RPS6KC1: variants seen among roughly 807,000 people sequenced by gnomAD.
RPS6KC1 encodes the protein ribosomal protein S6 kinase C1, also known as inactive ribosomal protein S6 kinase delta-1.
In RPS6KC1, 54 loss-of-function variants were observed where a neutral mutation model predicts 103.8. The observed-to-expected ratio is 0.52, with a 90% CI of 0.42 to 0.65. The LOEUF is 0.65. RPS6KC1 is among the 30% of genes least tolerant of loss of function. RPS6KC1 has a pLI of 0.00. For synonymous variants in RPS6KC1, 439 were observed against 438.7 expected, an observed-to-expected ratio of 1.00 and a Z score of -0.01; for missense variants, 1,151 against 1,253.8, an observed-to-expected ratio of 0.92 and a Z score of 1.24.
At chr1:213,818,423 A>C in the RPS6KC1 span, 1 of 152,432 alleles carries the variant, frequency 6.6e-6, no homozygotes, top group East Asian at 1.9e-4. Flanking sequence ...CATTGCTGAT[A>C]GGGAGAAAGT....
the RPS6KC1 span, among the ~76,000 whole-genome samples, chr1:213,309,494 A>T: frequency 1.2e-4 from 19 of 152,338 alleles, no homozygotes; most frequent in Middle Eastern, 3.4e-3. Context: ...ATCGGAGTTC[A>T]TAGGAACTTT....
the RPS6KC1 span, among the ~76,000 whole-genome samples, chr1:213,719,692 G>A: frequency 6.6e-6 from 1 of 152,148 alleles, no homozygotes; most frequent in South Asian, 2.1e-4. Context: ...TGTCCCTGAG[G>A]ACCTACTGCC....
At chr1:213,353,898 T>C in the RPS6KC1 span, among the ~76,000 whole-genome samples, 1 of 152,136 alleles carries the variant, frequency 6.6e-6, no homozygotes, top group Non-Finnish European at 1.5e-5. Context: ...GGAAAAATGA[T>C]GTGGAAAAGC....
the RPS6KC1 span, among the ~76,000 whole-genome samples, chr1:213,777,241 G>A: frequency 6.6e-6 from 1 of 152,122 alleles, no homozygotes; most frequent in East Asian, 1.9e-4. Context: ...GCGTTTGTTG[G>A]CATTTGGCCT....
the RPS6KC1 span, among the ~76,000 whole-genome samples, chr1:213,700,739 G>A: frequency 6.6e-6 from 1 of 151,784 alleles, no homozygotes; most frequent in African/African-American, 2.4e-5. Flanking sequence ...TTTCATCAGT[G>A]TTTTATAGTT....
At chr1:213,369,385 A>T in the RPS6KC1 span, among the ~76,000 whole-genome samples, 1 of 152,246 alleles carries the variant, frequency 6.6e-6, no homozygotes, top group African/African-American at 2.4e-5. Context: ...TGGACACAAG[A>T]ATATTCTAGC....
At chr1:213,129,943 A>G (rs1242847493) in intron 6 of RPS6KC1, 54 bp downstream of exon 6, 1 of 1,486,464 alleles carries the variant, frequency 6.7e-7, no homozygotes, top group African/African-American at 1.4e-5. Context: ...GTATGTGGGA[A>G]AAAAAAGTAC....
At chr1:213,797,784 A>T in the RPS6KC1 span, among the ~76,000 whole-genome samples, 1 of 152,254 alleles carries the variant, frequency 6.6e-6, no homozygotes, top group Non-Finnish European at 1.5e-5. Context: ...ATGGTATAGA[A>T]CCATGATGGA....
the RPS6KC1 span, among the ~76,000 whole-genome samples, chr1:213,474,615 G>T: frequency 1.3e-5 from 2 of 152,142 alleles, no homozygotes; most frequent in Non-Finnish European, 2.9e-5. Flanking sequence ...ACATCATCTT[G>T]GTGATTTCGT....
the RPS6KC1 span, among the ~76,000 whole-genome samples, chr1:213,664,241 G>C: frequency 1.3e-5 from 2 of 151,268 alleles, no homozygotes; most frequent in African/African-American, 4.9e-5. Flanking sequence ...AAGGCAAGAG[G>C]GGGCAGCGGG....
chr1:213,846,117 C>T, the RPS6KC1 span, among the ~76,000 whole-genome samples: 1 of 149,346 alleles, frequency 6.7e-6, no homozygotes, highest in Non-Finnish European at 1.5e-5. Context: ...ATGGTGAAAC[C>T]CCGTCTCAAC....
intron 4 of RPS6KC1, among the ~76,000 whole-genome samples, chr1:213,107,963 T>C (rs2148812154): frequency 6.6e-6 from 1 of 152,324 alleles, no homozygotes; most frequent in South Asian, 2.1e-4. Flanking sequence ...ATTTTTTTGA[T>C]TGGGTTATCA....
At chr1:213,407,956 T>C in the RPS6KC1 span, among the ~76,000 whole-genome samples, 1 of 152,226 alleles carries the variant, frequency 6.6e-6, no homozygotes, top group Non-Finnish European at 1.5e-5. Flanking sequence ...TGACACATAA[T>C]AGATGCTTAA....
At chr1:213,567,428 A>G in the RPS6KC1 span, among the ~76,000 whole-genome samples, 113 of 152,350 alleles carry the variant, frequency 7.4e-4, no homozygotes, top group African/African-American at 2.6e-3. Flanking sequence ...CTTACGTGAC[A>G]TAATCTGGCA....
the RPS6KC1 span, among the ~76,000 whole-genome samples, chr1:213,636,612 A>G: frequency 6.6e-6 from 1 of 152,204 alleles, no homozygotes; most frequent in Non-Finnish European, 1.5e-5. Flanking sequence ...ACAAAAATTA[A>G]TTCAAGATGG....
At chr1:213,607,748 GCTTT>G in the RPS6KC1 span, among the ~76,000 whole-genome samples, 284 of 150,112 alleles carry the variant, frequency 1.9e-3, no homozygotes, top group Non-Finnish European at 3.1e-3. Flanking sequence ...AAAAGAGGTA[GCTTT>G]CTTTCCTTAT....
intron 12 of RPS6KC1, among the ~76,000 whole-genome samples, chr1:213,245,201 A>G (rs539163944): frequency 8.5e-5 from 13 of 152,318 alleles, no homozygotes; most frequent in African/African-American, 2.9e-4. Context: ...CTGATAAATC[A>G]AAACTACAGA....
the RPS6KC1 span, among the ~76,000 whole-genome samples, chr1:213,742,368 T>G: frequency 6.6e-6 from 1 of 152,220 alleles, no homozygotes; most frequent in African/African-American, 2.4e-5. Context: ...TTATTTGACG[T>G]AGAATCTTTC....
chr1:213,680,329 T>G, the RPS6KC1 span, among the ~76,000 whole-genome samples: 1 of 152,184 alleles, frequency 6.6e-6, no homozygotes, highest in African/African-American at 2.4e-5. Context: ...TCAGTCGATA[T>G]CCCTCTAGTG....
Sources: gnomAD v4.1 joint callset for allele counts (sites outside exome capture counted in the v4.1 genomes callset) on GRCh38, gnomAD v4.1.1 for gene constraint, MANE v1.5 for transcripts, NCBI Gene and HGNC (gene_info 2026-07-23, HGNC 2026-07-21) for gene names.